Variants in HDC observed in about 807,000 individuals in gnomAD.
HDC encodes histidine decarboxylase.
A neutral mutation model predicts 64.4 loss-of-function variants in HDC; 27 were observed. The ratio of observed to expected loss-of-function variants is 0.42; its 90% confidence interval spans 0.31 to 0.58. The LOEUF is 0.58. HDC is among the 20% of genes least tolerant of loss of function. The pLI, the probability that HDC is intolerant of heterozygous loss-of-function variation, is 0.16. For missense variants in HDC, 711 were observed against 833.9 expected (o/e 0.85, Z 1.81); for synonymous variants, 305 against 314.2 (o/e 0.97, Z 0.31).
intron 9 of HDC, among the ~76,000 whole-genome samples, chr15:50,251,841 A>AAAAAG (rs1555503626): frequency 1.1e-4 from 17 of 151,644 alleles, no homozygotes; most frequent in South Asian, 4.2e-4. Context: ...CAGAAAAAAA[A>AAAAAG]AAAGAAAGAA....
chr15:50,257,388 G>A, intron 4 of HDC, 37 bp downstream of exon 4: 1 of 1,613,844 alleles, frequency 6.2e-7, no homozygotes, highest in South Asian at 1.1e-5. Flanking sequence ...TCGCTACTTA[G>A]CCCCCAAGCT....
chr15:50,245,780 A>G (rs1292847715), intron 10 of HDC, among the ~76,000 whole-genome samples: 2 of 152,178 alleles, frequency 1.3e-5, no homozygotes, highest in Admixed American at 6.5e-5. Context: ...CTGTAGTCCC[A>G]GCTACTCAGG....
chr15:50,253,860 T>C (rs2045591126), intron 6 of HDC, 194 bp from the exon 7 acceptor site: 3 of 649,874 alleles, frequency 4.6e-6, no homozygotes. Context: ...TACGTGTGTA[T>C]TTGAAAAAAA....
At chr15:50,264,153 T>C (rs538534425) in intron 1 of HDC, among the ~76,000 whole-genome samples, 1 of 152,332 alleles carries the variant, frequency 6.6e-6, no homozygotes, top group African/African-American at 2.4e-5. Context: ...AAAGATTCCA[T>C]GCCCAGTTCC....
chr15:50,260,479 G>A (rs1245180867), intron 2 of HDC, among the ~76,000 whole-genome samples: 1 of 152,178 alleles, frequency 6.6e-6, no homozygotes, highest in East Asian at 1.9e-4. Context: ...GCGTGGGCAA[G>A]AAATGTGTGA....
chr15:50,254,322 C>A, intron 5 of HDC, 49 bp from the exon 6 acceptor site: 1 of 1,609,578 alleles, frequency 6.2e-7, no homozygotes, highest in South Asian at 1.1e-5. Context: ...CTGGAATGAT[C>A]ACCCCCCAGA....
chr15:50,250,264 G>C (rs1334529308), intron 9 of HDC, among the ~76,000 whole-genome samples: 1 of 152,208 alleles, frequency 6.6e-6, no homozygotes, highest in African/African-American at 2.4e-5. Flanking sequence ...GGGTGGGAAA[G>C]ACATTGGGCC....
At chr15:50,255,512 A>G (rs2045618501) in intron 4 of HDC, among the ~76,000 whole-genome samples, 1 of 152,026 alleles carries the variant, frequency 6.6e-6, no homozygotes, top group Admixed American at 6.6e-5. Context: ...ATGTAGCATA[A>G]TAATAATAAT....
chr15:50,243,028 T>G, intron 11 of HDC, 22 bp from the exon 12 acceptor site: 1 of 1,614,056 alleles, frequency 6.2e-7, no homozygotes. Context: ...ATAAAGGAAG[T>G]GAAGTCTCCA....
chr15:50,245,692 TGA>T (rs555213839), intron 10 of HDC, among the ~76,000 whole-genome samples: 237 of 152,162 alleles, frequency 1.6e-3, no homozygotes, highest in African/African-American at 5.5e-3. Flanking sequence ...CCCAGGAGCG[TGA>T]GAACAACCTG....
intron 7 of HDC, 133 bp downstream of exon 7, chr15:50,253,467 G>C (rs927986394): frequency 1.2e-6 from 1 of 838,716 alleles, no homozygotes; most frequent in Non-Finnish European, 2.1e-6. Flanking sequence ...GACCTTTGGT[G>C]GTTCTTCCCA....
intron 2 of HDC, 38 bp from the exon 3 acceptor site, chr15:50,258,555 C>T (rs1210304668): frequency 2.4e-6 from 3 of 1,228,248 alleles, no homozygotes; most frequent in Non-Finnish European, 3.6e-6. Context: ...CACCAGGAGG[C>T]ATTTCCAGCA....
intron 2 of HDC, among the ~76,000 whole-genome samples, chr15:50,259,531 C>T (rs561437488): frequency 5.1e-4 from 78 of 152,302 alleles, no homozygotes; most frequent in African/African-American, 1.9e-3. Flanking sequence ...TCTCATCTCT[C>T]CTCATCTCAC....
chr15:50,242,191 G>T lies in HDC; in HGVS notation c.*69C>A. Reference sequence around the variant, plus strand: ...ATGTACACATAAGCACACAAAGTTGGCATACAATTGTGAGGGGTTCACAGA... The same window carrying T: ...ATGTACACATAAGCACACAAAGTTGTCATACAATTGTGAGGGGTTCACAGA... On this transcript the variant is annotated 3_prime_UTR_variant, in exon 12 of 12. Coordinates refer to ENST00000267845, the MANE Select transcript of HDC (RefSeq NM_002112.4). 2 of 1,272,986 alleles carry T rather than the reference G, an allele frequency of 1.6e-6. No homozygotes were observed. The highest frequency in any genetic ancestry group is 2.3e-6 in the Non-Finnish European group (2 of 872,136). The allele number at this position is 1,272,986 out of a possible 1,614,324, so 78.9% of individuals were successfully genotyped here.
At chr15:50,260,206 A>G (rs71469687) in intron 2 of HDC, among the ~76,000 whole-genome samples, 223 of 152,162 alleles carry the variant, frequency 1.5e-3, no homozygotes, top group Non-Finnish European at 2.6e-3. Flanking sequence ...TATTTTTAAT[A>G]GAGACAGTGT....
In HDC at chr15:50,254,641, C is replaced by T. The variant is rs758536977; in HGVS notation, c.465G>A (p.Leu155=). The change falls in exon 5 of 12, where the codon TTG becomes TTA. Residue 155 remains leucine, a synonymous_variant. Transcript: ENST00000267845. Reference sequence around the variant, plus strand: ...TCTTCCTTGCTGCCAGCAGGGCAATCAAAGTGGATTCACTGACCGTGCTCT... The same window carrying T: ...TCTTCCTTGCTGCCAGCAGGGCAATTAAAGTGGATTCACTGACCGTGCTCT... The part of the protein sequence containing the change: ...VLQSTVSEST[L]IALLAARKNK... 2 of 1,613,994 alleles carry T rather than the reference C, an allele frequency of 1.2e-6. No homozygotes were observed. Among genetic ancestry groups the T allele is most frequent in the African/African-American group, 2.7e-5 (2 of 74,910 alleles).
chr15:50,255,258 A>G (rs541477152), intron 4 of HDC, among the ~76,000 whole-genome samples: 5 of 152,332 alleles, frequency 3.3e-5, no homozygotes, highest in Admixed American at 6.5e-5. Flanking sequence ...TGCTCTGGCC[A>G]TGATTGTGGA....
rs376521371 is a variant in HDC at position 50,252,746 on chromosome 15, G to A, written c.816C>T (p.Ile272=). ...ICAREGLWLH[I]DAAYAGTAFL... ...AGGCAGTGCCTGCATAAGCAGCATC[G>A]ATGTGGAGCCACAGCCCCTCACGGG... Residue 272 remains isoleucine, a synonymous_variant, in exon 8 of 12, where the codon ATC becomes ATT. Transcript: ENST00000267845. 62 of 1,613,762 alleles carry A rather than the reference G, an allele frequency of 3.8e-5. No individual in the cohort carries two copies. Among genetic ancestry groups the A allele is most frequent in the Middle Eastern group, 1.6e-4 (1 of 6,084 alleles).
At position 50,257,526 on chromosome 15, in the gene HDC, C is replaced by T. The variant is rs2045648550; in HGVS notation, c.340G>A (p.Glu114Lys). 1.2e-6 allele frequency: 2 copies of T among 1,614,064 alleles called. No individual in the cohort carries two copies. Among genetic ancestry groups the T allele is most frequent in the Non-Finnish European group, 1.7e-6 (2 of 1,180,034 alleles). The change falls in exon 4 of 12, where the codon GAG becomes AAG. Residue 114 changes from glutamate (E) to lysine (K), a missense_variant. By Grantham distance (56) the Glu-to-Lys change is moderately conservative. Around this residue, in one of 3 missense-constraint regions of HDC, gnomAD observed 225 missense variants for 276.2 expected, o/e 0.81. Coordinates refer to ENST00000267845, the MANE Select transcript of HDC (RefSeq NM_002112.4). Reference sequence around the variant, plus strand: ...CAGTCCATGACGTTCATCTCCAGCTCTGTACACGCAGGGCTGGATGCCTGA... The same window carrying T: ...CAGTCCATGACGTTCATCTCCAGCTTTGTACACGCAGGGCTGGATGCCTGA... ...FTWASSPACTELEMNVMDWLA... is the reference protein window; with the variant it reads ...FTWASSPACTKLEMNVMDWLA...
Sources: gnomAD v4.1 joint callset for allele counts (sites outside exome capture counted in the v4.1 genomes callset) on GRCh38, gnomAD v4.1.1 for gene constraint, gnomAD v4.1.1 regional missense constraint, MANE v1.5 for transcripts, NCBI Gene and HGNC (gene_info 2026-07-23, HGNC 2026-07-21) for gene names.